Variants in PDE1A observed in about 807,000 individuals in gnomAD.
PDE1A encodes the protein dual specificity calcium/calmodulin-dependent 3',5'-cyclic nucleotide phosphodiesterase 1A.
Under a neutral mutation model 61.7 loss-of-function variants are expected in PDE1A, and 35 were observed. The observed-to-expected ratio is 0.57, with a 90% confidence interval of 0.43 to 0.75. The LOEUF (loss-of-function observed/expected upper bound fraction) is 0.75. PDE1A is among the 30% of genes least tolerant of loss of function. The pLI is 0.00. For synonymous variants in PDE1A, 232 were observed against 213.2 expected (o/e 1.09, Z -0.77); for missense variants, 597 against 630.6 (o/e 0.95, Z 0.57).
At position 182,460,464 on chromosome 2, in the gene PDE1A, C is replaced by G. The variant is rs113942746; in HGVS notation, c.101+61812G>C. On this transcript the variant is annotated intron_variant, in intron 2 of 14. Transcript: ENST00000410103. ...ATGTTTCCCAGGCTTGCCTCTAACTCCTGGGCTCAAAGAATCCTCCTGCTT... is the reference window on the plus strand; with the variant it reads ...ATGTTTCCCAGGCTTGCCTCTAACTGCTGGGCTCAAAGAATCCTCCTGCTT... Among the ~76,000 whole-genome samples, 472 of 152,266 alleles carry G rather than the reference C, an allele frequency of 3.1e-3. 1 individual carries two copies. Among genetic ancestry groups the G allele is most frequent in the Non-Finnish European group, 3.5e-3 (241 of 68,020 alleles).
At chr2:182,415,238 C>T (rs1363727918) in intron 1 of PDE1A, among the ~76,000 whole-genome samples, 1 of 152,032 alleles carries the variant, frequency 6.6e-6, no homozygotes, top group Admixed American at 6.6e-5. Context: ...AATATGTTTT[C>T]TCTTCAGAAA....
At chr2:182,418,821 T>C (rs1179416491) in intron 1 of PDE1A, among the ~76,000 whole-genome samples, 2 of 152,004 alleles carry the variant, frequency 1.3e-5, no homozygotes, top group African/African-American at 4.8e-5. Context: ...TTCCTCTTCC[T>C]CTTAAGCCGG....
intron 6 of PDE1A, among the ~76,000 whole-genome samples, chr2:182,227,132 C>T (rs1689206380): frequency 6.6e-6 from 1 of 151,982 alleles, no homozygotes; most frequent in African/African-American, 2.4e-5. Context: ...TTCAACGGAT[C>T]ACAATAGCAT....
chr2:182,682,949 C>T, the PDE1A span, among the ~76,000 whole-genome samples: 1 of 151,722 alleles, frequency 6.6e-6, no homozygotes, highest in African/African-American at 2.4e-5. Context: ...ATAGGGTAGC[C>T]CAGTTAAGTT....
chr2:182,547,614 G>A, the PDE1A span, among the ~76,000 whole-genome samples: 1 of 152,236 alleles, frequency 6.6e-6, no homozygotes, highest in Non-Finnish European at 1.5e-5. Flanking sequence ...ATATTGCATA[G>A]GAAGTGTACA....
rs527900746 is a variant in PDE1A, at chr2:182,342,505, A to C, written c.54-78091T>G. On this transcript the variant is annotated intron_variant, in intron 1 of 13. Coordinates refer to ENST00000351439, the Ensembl canonical transcript of PDE1A. ...GAGACCATCCTGGCTAACACGGTGA[A>C]ACCTCATCTCTACTAAAAATACAAA... Among the ~76,000 whole-genome samples the C allele has an allele frequency of 4.6e-5, 7 of 152,314 alleles. No individual in the cohort carries two copies. The East Asian group carries it at 1.2e-3, about 25-fold the overall frequency.
the PDE1A span, among the ~76,000 whole-genome samples, chr2:182,653,929 T>A: frequency 6.6e-6 from 1 of 152,174 alleles, no homozygotes; most frequent in African/African-American, 2.4e-5. Context: ...AGATCCATCA[T>A]CGTCACTACA....
intron 13 of PDE1A, among the ~76,000 whole-genome samples, chr2:182,150,699 A>T (rs1324741860): frequency 6.6e-6 from 1 of 152,218 alleles, no homozygotes; most frequent in Admixed American, 6.5e-5. Context: ...TAGAGTCTCA[A>T]TTCTTCAAGG....
chr2:182,542,677 A>G, the PDE1A span, among the ~76,000 whole-genome samples: 2,770 of 152,300 alleles, frequency 0.018, 79 homozygotes, highest in African/African-American at 0.062. Flanking sequence ...TCTTGGTTCC[A>G]TGGCATATCA....
intron 1 of PDE1A, among the ~76,000 whole-genome samples, chr2:182,410,744 C>T (rs941904913): frequency 2.6e-5 from 4 of 152,184 alleles, no homozygotes; most frequent in African/African-American, 9.7e-5. Context: ...TTAATGTCTT[C>T]CCATCAAGCT....
the PDE1A span, among the ~76,000 whole-genome samples, chr2:182,577,288 AC>A: frequency 6.6e-6 from 1 of 152,220 alleles, no homozygotes; most frequent in African/African-American, 2.4e-5. Flanking sequence ...ATGCTGCAGT[AC>A]TAATTTAAAT....
chr2:182,583,003 C>T, the PDE1A span, among the ~76,000 whole-genome samples: 1 of 152,116 alleles, frequency 6.6e-6, no homozygotes, highest in African/African-American at 2.4e-5. Flanking sequence ...ATAACTACAG[C>T]ATAGCCCCAG....
At chr2:182,530,753 A>G in the PDE1A span, among the ~76,000 whole-genome samples, 71 of 152,290 alleles carry the variant, frequency 4.7e-4, no homozygotes, top group African/African-American at 1.6e-3. Context: ...TCACCAAAAT[A>G]CCTTCTTTAA....
At chr2:182,513,039 T>C (rs1394226397) in intron 2 of PDE1A, among the ~76,000 whole-genome samples, 1 of 152,146 alleles carries the variant, frequency 6.6e-6, no homozygotes, top group South Asian at 2.1e-4. Flanking sequence ...AGAATATTGC[T>C]CACAAAATTT....
At position 182,185,889 on chromosome 2, in the gene PDE1A, T is replaced by C; in HGVS notation, c.1516+3A>G. ...GGCAGTAAGGCCTCATAAACAACAC[T>C]ACCTTGTGCAGCTAACTCTTTCCAC... On this transcript the variant is annotated splice_donor_region_variant and intron_variant, in intron 13 of 13. Coordinates refer to ENST00000351439, the Ensembl canonical transcript of PDE1A. The C allele has an allele frequency of 6.2e-7, 1 of 1,613,768 alleles. No homozygotes were observed.
At chr2:182,550,649 C>T in the PDE1A span, among the ~76,000 whole-genome samples, 1 of 152,186 alleles carries the variant, frequency 6.6e-6, no homozygotes, top group Non-Finnish European at 1.5e-5. Flanking sequence ...GATGCCCTCA[C>T]TGTTATAACA....
intron 1 of PDE1A, among the ~76,000 whole-genome samples, chr2:182,291,066 T>C (rs1414094135): frequency 6.6e-6 from 1 of 152,002 alleles, no homozygotes; most frequent in Non-Finnish European, 1.5e-5. Flanking sequence ...CATTTAAACT[T>C]TCCTCTTCTT....
chr2:182,671,482 C>A, the PDE1A span, among the ~76,000 whole-genome samples: 1 of 151,626 alleles, frequency 6.6e-6, no homozygotes, highest in Non-Finnish European at 1.5e-5. Context: ...GCCACCACAC[C>A]CGGCCTGGAT....
chr2:182,498,068 A>AAG (rs1279987810), intron 2 of PDE1A, among the ~76,000 whole-genome samples: 1 of 150,350 alleles, frequency 6.7e-6, no homozygotes, highest in Non-Finnish European at 1.5e-5. Context: ...AAAAAAAAAA[A>AAG]AAAGACTGAG....
Sources: allele counts gnomAD v4.1 joint callset (sites outside exome capture counted in the v4.1 genomes callset), GRCh38; gene constraint gnomAD v4.1.1; transcripts MANE v1.5; gene names NCBI Gene and HGNC (gene_info 2026-07-23, HGNC 2026-07-21).